Variants in PRKACB observed in about 807,000 individuals in gnomAD.
PRKACB encodes the protein protein kinase cAMP-activated catalytic subunit beta.
A neutral mutation model predicts 51.4 loss-of-function variants in PRKACB; 16 were observed. That is an observed-to-expected ratio of 0.31 (90% confidence interval 0.21 to 0.47). The LOEUF is 0.47. Ranked by LOEUF, PRKACB falls within the 20% of genes least tolerant of loss-of-function variation. The pLI, the probability that PRKACB is intolerant of heterozygous loss-of-function variation, is 1.00. For missense variants in PRKACB, 309 were observed against 464.5 expected (o/e 0.67, Z 3.08); for synonymous variants, 147 against 154.4 (o/e 0.95, Z 0.35).
At chr1:84,099,782 C>T (rs1392930115) in intron 1 of PRKACB, among the ~76,000 whole-genome samples, 1 of 151,676 alleles carries the variant, frequency 6.6e-6, no homozygotes, top group Non-Finnish European at 1.5e-5. Context: ...GAAATAGTTT[C>T]TAGTTGTGAG....
chr1:84,111,461 A>G (rs1390287889), intron 1 of PRKACB, among the ~76,000 whole-genome samples: 1 of 152,144 alleles, frequency 6.6e-6, no homozygotes, highest in African/African-American at 2.4e-5. Context: ...AAGATAATCT[A>G]TAGTAATACC....
chr1:84,152,463 T>C (rs1200984711), intron 1 of PRKACB, among the ~76,000 whole-genome samples: 3 of 152,240 alleles, frequency 2.0e-5, no homozygotes, highest in Non-Finnish European at 4.4e-5. Flanking sequence ...TGGCATCTTC[T>C]TCCAATAGAG....
intron 1 of PRKACB, among the ~76,000 whole-genome samples, chr1:84,158,233 T>C (rs1253084534): frequency 6.6e-6 from 1 of 152,084 alleles, no homozygotes; most frequent in African/African-American, 2.4e-5. Flanking sequence ...ACATGGGGTT[T>C]TACTATGTTG....
chr1:84,206,798 T>C (rs929462728), intron 8 of PRKACB, among the ~76,000 whole-genome samples: 2 of 152,166 alleles, frequency 1.3e-5, no homozygotes, highest in Admixed American at 1.3e-4. Context: ...TTCATGTTGG[T>C]ATAAGGGCAC....
At chr1:84,150,141 G>C (rs1323877669) in intron 1 of PRKACB, among the ~76,000 whole-genome samples, 4 of 151,918 alleles carry the variant, frequency 2.6e-5, no homozygotes, top group Non-Finnish European at 4.4e-5. Context: ...CTACAGGTGT[G>C]GTGGCGCACA....
chr1:84,173,217 T>C, intron 1 of PRKACB: 1 of 667,562 alleles, frequency 1.5e-6, no homozygotes, highest in South Asian at 3.0e-5. Context: ...TCAATTGTTT[T>C]ATCATTCTAT....
chr1:84,220,316 CCTTTA>C (rs1673510106), intron 9 of PRKACB, among the ~76,000 whole-genome samples: 1 of 151,752 alleles, frequency 6.6e-6, no homozygotes, highest in African/African-American at 2.4e-5. Flanking sequence ...GTATTCTGCA[CCTTTA>C]CTTATTTTTT....
intron 9 of PRKACB, among the ~76,000 whole-genome samples, chr1:84,234,781 G>A (rs111424235): frequency 7.2e-5 from 11 of 152,230 alleles, no homozygotes; most frequent in Admixed American, 6.5e-5. Flanking sequence ...GCTCGCACAC[G>A]GTGCGTGCAC....
At chr1:84,190,103 T>C (rs1220744948) in intron 5 of PRKACB, among the ~76,000 whole-genome samples, 1 of 151,856 alleles carries the variant, frequency 6.6e-6, no homozygotes, top group Non-Finnish European at 1.5e-5. Flanking sequence ...CCACCTAATA[T>C]ACTTTTCATA....
chr1:84,234,881 C>T (rs146333752), intron 9 of PRKACB, among the ~76,000 whole-genome samples: 7 of 152,328 alleles, frequency 4.6e-5, no homozygotes, highest in Admixed American at 1.3e-4. Context: ...TCTTCTGTGT[C>T]CCTCACGCTG....
chr1:84,111,313 G>A (rs1208395536), intron 1 of PRKACB, among the ~76,000 whole-genome samples: 1 of 152,010 alleles, frequency 6.6e-6, no homozygotes, highest in African/African-American at 2.4e-5. Flanking sequence ...ACAGAAGCGT[G>A]CCCCAAACAC....
chr1:84,226,295 A>G (rs1333995589), intron 9 of PRKACB, among the ~76,000 whole-genome samples: 1 of 140,196 alleles, frequency 7.1e-6, no homozygotes, highest in Non-Finnish European at 1.6e-5. Context: ...TGGTCTCTCT[A>G]AAGATTTATT....
chr1:84,139,029 T>C (rs6576961), intron 1 of PRKACB, among the ~76,000 whole-genome samples: 70,516 of 151,858 alleles, frequency 0.46, 17,181 homozygotes, highest in Non-Finnish European at 0.56. Context: ...AAAGGAAACT[T>C]TGTTATCTCA....
At position 84,139,029 on chromosome 1, in the gene PRKACB, T is replaced by G. The variant is rs6576961; in HGVS notation, c.47-40148T>G. 7.3e-4 allele frequency among the ~76,000 whole-genome samples: 111 copies of G among 151,950 alleles called. 1 individual carries two copies. Among genetic ancestry groups the G allele is most frequent in the African/African-American group, 2.6e-3 (107 of 41,434 alleles). On this transcript the variant is annotated intron_variant, in intron 1 of 8. Coordinates refer to the PRKACB transcript ENST00000370688. Reference sequence around the variant, plus strand: ...TAACCCAGGAAAAAAAAAGGAAACTTTGTTATCTCAATAAGGGGCATCTAC... The same window carrying G: ...TAACCCAGGAAAAAAAAAGGAAACTGTGTTATCTCAATAAGGGGCATCTAC...
intron 1 of PRKACB, among the ~76,000 whole-genome samples, chr1:84,168,045 ATCAG>A (rs900463628): frequency 6.6e-6 from 1 of 151,568 alleles, no homozygotes. Flanking sequence ...TTCTCTGAAA[ATCAG>A]TCAAACTATT....
chr1:84,139,992 G>A (rs942614230), upstream of PRKACB, among the ~76,000 whole-genome samples: 9 of 152,030 alleles, frequency 5.9e-5, no homozygotes, highest in South Asian at 2.1e-4. Flanking sequence ...CCCAGGAGGC[G>A]GAGGTTGCAG....
chr1:84,103,333 G>A (rs1373892823), intron 1 of PRKACB, among the ~76,000 whole-genome samples: 2 of 149,130 alleles, frequency 1.3e-5, no homozygotes, highest in African/African-American at 5.0e-5. Flanking sequence ...TCTTTTAAGC[G>A]AACTGCTATG....
chr1:84,229,742 G>A (rs1321716979), intron 9 of PRKACB, among the ~76,000 whole-genome samples: 3 of 150,678 alleles, frequency 2.0e-5, no homozygotes, highest in African/African-American at 7.3e-5. Context: ...TTTGAGAAGT[G>A]TCTGTTCATG....
In PRKACB at chr1:84,154,285, T is replaced by C. The variant is rs551902948; in HGVS notation, c.187+9737T>C. ...TTCAATATGAACTCCTTATTAGATA[T>C]GTGGTTTGCAAGTATTTTCTCTCAT... On this transcript the variant is annotated intron_variant, in intron 1 of 9. Coordinates refer to ENST00000370685, the MANE Select transcript of PRKACB (RefSeq NM_182948.4). 7.2e-5 allele frequency among the ~76,000 whole-genome samples: 11 copies of C among 152,302 alleles called. No individual in the cohort carries two copies. The East Asian group carries it at 1.7e-3, about 24-fold the overall frequency.
Sources: allele counts gnomAD v4.1 joint callset (sites outside exome capture counted in the v4.1 genomes callset), GRCh38; gene constraint gnomAD v4.1.1; transcripts MANE v1.5; gene names NCBI Gene and HGNC (gene_info 2026-07-23, HGNC 2026-07-21).